Variants in SEMA5A observed in about 807,000 individuals in gnomAD.
SEMA5A encodes semaphorin 5A, also known as semaphorin-5A.
SEMA5A carries 55 observed loss-of-function variants against 135.5 expected under a neutral mutation model. The ratio of observed to expected loss-of-function variants is 0.41; its 90% confidence interval spans 0.33 to 0.51. The LOEUF is 0.51. Among genes scored for constraint, SEMA5A ranks in the 20% least tolerant of loss-of-function variants. SEMA5A has a pLI of 0.37. For synonymous variants in SEMA5A, 580 were observed against 546.5 expected, an observed-to-expected ratio of 1.06 and a Z score of -0.85; for missense variants, 1,290 against 1,419.9, an observed-to-expected ratio of 0.91 and a Z score of 1.47.
intron 8 of SEMA5A, among the ~76,000 whole-genome samples, chr5:9,220,227 G>T (rs979891372): frequency 2.6e-5 from 4 of 152,142 alleles, no homozygotes; most frequent in Non-Finnish European, 5.9e-5. Flanking sequence ...GGGAGTGGGG[G>T]ATAAAAGACT....
At chr5:9,228,942 T>G (rs1747470850) in intron 6 of SEMA5A, among the ~76,000 whole-genome samples, 1 of 152,168 alleles carries the variant, frequency 6.6e-6, no homozygotes, top group Non-Finnish European at 1.5e-5. Context: ...ACAGCGGAAA[T>G]GCATAGTGCT....
At chr5:9,201,459 C>T (rs890775259) in intron 9 of SEMA5A, among the ~76,000 whole-genome samples, 49 of 152,284 alleles carry the variant, frequency 3.2e-4, no homozygotes, top group African/African-American at 8.9e-4. Context: ...CTCAAGTAAG[C>T]AATCTTCTAG....
At chr5:9,445,699 C>T (rs1402268533) in intron 1 of SEMA5A, among the ~76,000 whole-genome samples, 1 of 152,104 alleles carries the variant, frequency 6.6e-6, no homozygotes, top group African/African-American at 2.4e-5. Context: ...TGAGATTCCC[C>T]TTCACTGAGT....
chr5:9,468,204 TG>T (rs1759335427), intron 1 of SEMA5A, among the ~76,000 whole-genome samples: 1 of 152,104 alleles, frequency 6.6e-6, no homozygotes, highest in Non-Finnish European at 1.5e-5. Context: ...AAGCAGGCAT[TG>T]TTGGTTTTTT....
intron 1 of SEMA5A, among the ~76,000 whole-genome samples, chr5:9,515,990 G>T (rs182135015): frequency 1.9e-3 from 287 of 152,272 alleles, no homozygotes; most frequent in Non-Finnish European, 1.8e-3. Context: ...ATATAGTTAC[G>T]ACATTTGTGA....
At chr5:9,509,662 C>T (rs1434659788) in intron 1 of SEMA5A, among the ~76,000 whole-genome samples, 1 of 152,066 alleles carries the variant, frequency 6.6e-6, no homozygotes, top group Non-Finnish European at 1.5e-5. Context: ...CCATATGTAC[C>T]CAAAGTTTAT....
chr5:9,127,484 T>C (rs996530992), intron 13 of SEMA5A, among the ~76,000 whole-genome samples: 1 of 152,110 alleles, frequency 6.6e-6, no homozygotes, highest in African/African-American at 2.4e-5. Context: ...AATAATGGCA[T>C]GGAGATCTAC....
chr5:9,100,205 T>A (rs1193845684), intron 16 of SEMA5A, among the ~76,000 whole-genome samples: 1 of 152,188 alleles, frequency 6.6e-6, no homozygotes, highest in African/African-American at 2.4e-5. Context: ...GACTGCAGCC[T>A]CAGAAATCCT....
At chr5:9,286,888 G>A (rs750581286) in intron 5 of SEMA5A, among the ~76,000 whole-genome samples, 6 of 152,188 alleles carry the variant, frequency 3.9e-5, no homozygotes, top group Admixed American at 1.3e-4. Flanking sequence ...GCCTTGGGCC[G>A]GGCTCCTTCT....
chr5:9,483,971 G>A (rs929481665), intron 1 of SEMA5A, among the ~76,000 whole-genome samples: 2 of 152,162 alleles, frequency 1.3e-5, no homozygotes, highest in Non-Finnish European at 2.9e-5. Flanking sequence ...GGAAGTAACA[G>A]AACTCCAAAC....
chr5:9,501,583 C>T (rs1405604992), intron 1 of SEMA5A, among the ~76,000 whole-genome samples: 1 of 152,172 alleles, frequency 6.6e-6, no homozygotes, highest in Non-Finnish European at 1.5e-5. Context: ...AGCCATATCC[C>T]TTCCCCTACT....
At position 9,206,277 on chromosome 5, in the gene SEMA5A, T is replaced by C. The variant is rs571959167; in HGVS notation, c.647-4037A>G. Among the ~76,000 whole-genome samples the C allele has an allele frequency of 1.7e-3, 252 of 152,310 alleles. 2 individuals carry two copies. Among genetic ancestry groups the C allele is most frequent in the African/African-American group, 4.8e-3 (201 of 41,570 alleles). On this transcript the variant is annotated intron_variant, in intron 8 of 22. Transcript: ENST00000382496. ...ACATATGCATGGAGAAACTGTTTTT[T>C]CTAATGTTTGTAAAACATACTGAGT...
At chr5:9,122,412 T>G (rs1172603440) in intron 14 of SEMA5A, among the ~76,000 whole-genome samples, 1 of 152,230 alleles carries the variant, frequency 6.6e-6, no homozygotes, top group African/African-American at 2.4e-5. Flanking sequence ...GCCAATCATA[T>G]TGTCCAAATT....
At chr5:9,331,536 A>T (rs529466571) in intron 4 of SEMA5A, among the ~76,000 whole-genome samples, 2 of 152,332 alleles carry the variant, frequency 1.3e-5, no homozygotes, top group African/African-American at 4.8e-5. Context: ...AACCCTAACT[A>T]AAGTCTAACT....
At chr5:9,066,694 A>G (rs1171989586) in intron 16 of SEMA5A, 48 bp from the exon 17 acceptor site, 1 of 1,527,092 alleles carries the variant, frequency 6.5e-7, no homozygotes, top group Non-Finnish European at 9.0e-7. Context: ...TAAACAGAGC[A>G]ACCTCACGAA....
chr5:9,288,749 C>T (rs1750922746), intron 5 of SEMA5A, among the ~76,000 whole-genome samples: 2 of 152,124 alleles, frequency 1.3e-5, no homozygotes, highest in Admixed American at 6.5e-5. Context: ...AAAATGGTTG[C>T]ATAATGAAGT....
At chr5:9,505,141 A>AAG (rs1735805142) in intron 1 of SEMA5A, among the ~76,000 whole-genome samples, 1 of 115,308 alleles carries the variant, frequency 8.7e-6, no homozygotes, top group Non-Finnish European at 1.8e-5. Flanking sequence ...ATTCTAAAAC[A>AAG]AAAAAAAAAA....
chr5:9,135,507 A>G (rs1741687139), intron 13 of SEMA5A, among the ~76,000 whole-genome samples: 1 of 151,954 alleles, frequency 6.6e-6, no homozygotes, highest in South Asian at 2.1e-4. Flanking sequence ...AAGCTGAAGG[A>G]CAGGCTTTAT....
chr5:9,434,468 A>G (rs1485126556), intron 2 of SEMA5A, among the ~76,000 whole-genome samples: 3 of 152,050 alleles, frequency 2.0e-5, no homozygotes, highest in Non-Finnish European at 2.9e-5. Flanking sequence ...ACTCCTGAAA[A>G]TCTTACTGAC....
Sources: allele counts gnomAD v4.1 joint callset (sites outside exome capture counted in the v4.1 genomes callset), GRCh38; gene constraint gnomAD v4.1.1; transcripts MANE v1.5; gene names NCBI Gene and HGNC (gene_info 2026-07-23, HGNC 2026-07-21).